The following MAGI2 variants were observed in gnomAD, a reference collection of about 807,000 sequenced individuals.
The protein encoded by MAGI2 is membrane-associated guanylate kinase, WW and PDZ domain-containing protein 2.
In MAGI2, 35 loss-of-function variants were observed where a neutral mutation model predicts 133.3. The observed-to-expected ratio is 0.26, with a 90% CI of 0.20 to 0.35. MAGI2 has a LOEUF of 0.35. Among genes scored for constraint, MAGI2 ranks in the 10% least tolerant of loss-of-function variants. The pLI is 1.00. For missense variants in MAGI2, 1,636 were observed against 1,863.4 expected (o/e 0.88, Z 2.25); for synonymous variants, 729 against 710.6 (o/e 1.03, Z -0.41).
intron 1 of MAGI2, among the ~76,000 whole-genome samples, chr7:79,430,622 T>A (rs547941425): frequency 6.6e-6 from 1 of 152,260 alleles, no homozygotes; most frequent in East Asian, 1.9e-4. Context: ...AATTACCTAA[T>A]CATCTCCAAA....
intron 9 of MAGI2, among the ~76,000 whole-genome samples, chr7:78,267,377 A>T (rs1162231645): frequency 6.6e-6 from 1 of 152,246 alleles, no homozygotes; most frequent in African/African-American, 2.4e-5. Context: ...GTTTGACGAG[A>T]GAGCCCTTCT....
chr7:78,028,123 G>A (rs1365122805), intron 21 of MAGI2, among the ~76,000 whole-genome samples: 1 of 152,202 alleles, frequency 6.6e-6, no homozygotes, highest in Non-Finnish European at 1.5e-5. Context: ...TAAGGTGATT[G>A]CTTTTTGTAA....
intron 6 of MAGI2, among the ~76,000 whole-genome samples, chr7:78,470,317 A>G (rs1791066139): frequency 6.6e-6 from 1 of 152,140 alleles, no homozygotes; most frequent in South Asian, 2.1e-4. Context: ...CCCATTAACA[A>G]TGGAAACTAT....
rs577447719 is a variant in MAGI2, at chr7:78,160,532, A to G, written c.2597-259T>C. 1.1e-4 allele frequency among the ~76,000 whole-genome samples: 16 copies of G among 152,346 alleles called. No individual in the cohort carries two copies. The East Asian group carries it at 1.4e-3, about 13-fold the overall frequency. On this transcript the variant is annotated intron_variant, in intron 15 of 21. Coordinates refer to ENST00000354212, the MANE Select transcript of MAGI2 (RefSeq NM_012301.4). ...CTCCTCTGTGCTGTTACTGATTTAT[A>G]TCTTCATCTCATGAGGACTGCAAAC...
At chr7:79,096,346 G>C (rs570221150) in intron 1 of MAGI2, among the ~76,000 whole-genome samples, 2 of 152,206 alleles carry the variant, frequency 1.3e-5, no homozygotes, top group Non-Finnish European at 1.5e-5. Context: ...GCCACACTAC[G>C]ATGACCATTC....
At chr7:79,340,696 A>T (rs1840825624) in intron 1 of MAGI2, among the ~76,000 whole-genome samples, 1 of 152,122 alleles carries the variant, frequency 6.6e-6, no homozygotes, top group South Asian at 2.1e-4. Flanking sequence ...TTTTGTGCAC[A>T]AATTTCCTAG....
intron 1 of MAGI2, among the ~76,000 whole-genome samples, chr7:79,192,902 A>C (rs749321828): frequency 1.3e-5 from 2 of 151,934 alleles, no homozygotes; most frequent in African/African-American, 2.4e-5. Flanking sequence ...AACAGAGGAA[A>C]TATCAAGACC....
intron 9 of MAGI2, among the ~76,000 whole-genome samples, chr7:78,332,486 CAGG>C (rs1220253013): frequency 6.6e-6 from 1 of 152,118 alleles, no homozygotes; most frequent in Admixed American, 6.5e-5. Flanking sequence ...ATCACAAGGT[CAGG>C]AGATCGAGAC....
rs115952737 is a variant in MAGI2, at chr7:78,544,191, A to G, written c.539-22546T>C. On this transcript the variant is annotated intron_variant, in intron 3 of 21. Transcript: ENST00000354212. ...AATTTGGCTTAAACTGGTAGTGACT[A>G]CAAGTTATTATCAACAGACAGCTGT... Among the ~76,000 whole-genome samples, 1,307 of 152,334 alleles carry G rather than the reference A, an allele frequency of 8.6e-3. 20 individuals carry two copies. Among genetic ancestry groups the G allele is most frequent in the African/African-American group, 0.029 (1,197 of 41,580 alleles).
At chr7:78,557,538 T>C (rs1799957483) in intron 3 of MAGI2, among the ~76,000 whole-genome samples, 2 of 152,176 alleles carry the variant, frequency 1.3e-5, no homozygotes, top group Admixed American at 1.3e-4. Context: ...GATGGTACTA[T>C]GAAACACATA....
chr7:78,683,690 G>A (rs1815947113), intron 2 of MAGI2, among the ~76,000 whole-genome samples: 2 of 152,102 alleles, frequency 1.3e-5, no homozygotes. Flanking sequence ...AGGCACTGCA[G>A]TTATTCTCAG....
chr7:78,291,725 T>C (rs978069287), intron 9 of MAGI2, among the ~76,000 whole-genome samples: 13 of 152,178 alleles, frequency 8.5e-5, no homozygotes, highest in Non-Finnish European at 1.9e-4. Flanking sequence ...ATCAAGAAGC[T>C]TCTCCACCAT....
chr7:78,500,477 C>T (rs1410616417), intron 5 of MAGI2, among the ~76,000 whole-genome samples: 2 of 152,028 alleles, frequency 1.3e-5, no homozygotes, highest in Non-Finnish European at 2.9e-5. Flanking sequence ...TTGTCTTGTG[C>T]AAATCAACAA....
At chr7:79,305,974 AT>A (rs1206242287) in intron 1 of MAGI2, among the ~76,000 whole-genome samples, 2 of 150,330 alleles carry the variant, frequency 1.3e-5, no homozygotes, top group East Asian at 3.9e-4. Context: ...ATTGAACTAC[AT>A]ATTCCTGTAG....
chr7:78,875,668 C>G (rs544823426), intron 2 of MAGI2, among the ~76,000 whole-genome samples: 1 of 151,946 alleles, frequency 6.6e-6, no homozygotes, highest in Non-Finnish European at 1.5e-5. Context: ...TATAAAATGA[C>G]CAATTTCAAC....
intron 9 of MAGI2, among the ~76,000 whole-genome samples, chr7:78,279,293 CA>C (rs59438844): frequency 0.19 from 28,406 of 152,020 alleles, 3,191 homozygotes; most frequent in South Asian, 0.31. Flanking sequence ...AGACATAGTC[CA>C]AAAACATTTG....
chr7:79,249,017 C>T (rs1833027223), intron 1 of MAGI2, among the ~76,000 whole-genome samples: 1 of 152,160 alleles, frequency 6.6e-6, no homozygotes, highest in African/African-American at 2.4e-5. Flanking sequence ...GTGCCCGCCA[C>T]CACACCAAGC....
intron 2 of MAGI2, among the ~76,000 whole-genome samples, chr7:78,718,579 G>A (rs938339935): frequency 6.6e-6 from 1 of 151,712 alleles, no homozygotes; most frequent in Admixed American, 6.6e-5. Flanking sequence ...AGAATCTAAT[G>A]CCTGATGATG....
chr7:78,414,654 A>T (rs1214065135), intron 6 of MAGI2, among the ~76,000 whole-genome samples: 1 of 151,920 alleles, frequency 6.6e-6, no homozygotes, highest in Non-Finnish European at 1.5e-5. Context: ...GTGTGCATAC[A>T]CACACACACC....
Sources: gnomAD v4.1 joint callset for allele counts (sites outside exome capture counted in the v4.1 genomes callset) on GRCh38, gnomAD v4.1.1 for gene constraint, MANE v1.5 for transcripts, NCBI Gene and HGNC (gene_info 2026-07-23, HGNC 2026-07-21) for gene names.